STON2: variants seen among roughly 807,000 people sequenced by gnomAD.
The protein encoded by STON2 is stonin 2.
Under a neutral mutation model 65.7 loss-of-function variants are expected in STON2, and 29 were observed. The observed-to-expected ratio is 0.44, with a 90% CI of 0.33 to 0.60. STON2 has a LOEUF of 0.60. Ranked by LOEUF, STON2 falls within the 20% of genes least tolerant of loss-of-function variation. STON2 has a pLI of 0.03. For missense variants in STON2, 1,054 were observed against 1,118.1 expected (o/e 0.94, Z 0.82); for synonymous variants, 404 against 414.2 (o/e 0.98, Z 0.30).
intron 5 of STON2, among the ~76,000 whole-genome samples, chr14:81,308,781 CA>C: frequency 1.1e-4 from 1 of 9,170 alleles, no homozygotes; most frequent in Middle Eastern, 0.071. Context: ...TGGTTTTACC[CA>C]TATATATATA....
chr14:81,293,907 G>C (rs755368664), intron 5 of STON2, among the ~76,000 whole-genome samples: 12 of 152,154 alleles, frequency 7.9e-5, no homozygotes, highest in Non-Finnish European at 1.5e-4. Context: ...AACAAATGGT[G>C]GGTTTTTTTC....
intron 5 of STON2, among the ~76,000 whole-genome samples, chr14:81,305,850 A>C (rs1295970902): frequency 2.6e-5 from 4 of 152,198 alleles, no homozygotes; most frequent in Admixed American, 6.5e-5. Context: ...ATGTAGTCAC[A>C]TGCTAACCCA....
rs1257992255 is a variant in STON2 at position 81,371,269 on chromosome 14, G to A, written c.374-84C>T. On this transcript the variant is annotated intron_variant, in intron 3 of 7. Transcript: ENST00000614646. Reference sequence around the variant, plus strand: ...TTAGTGCTTATCTTACTTTGATGTTGCTCACATCATATGAAATCTCAACAG... The same window carrying A: ...TTAGTGCTTATCTTACTTTGATGTTACTCACATCATATGAAATCTCAACAG... 4 of 1,260,290 alleles carry A rather than the reference G, an allele frequency of 3.2e-6. No individual in the cohort carries two copies. The Middle Eastern group carries it at 6.9e-4, about 218-fold the overall frequency. 78.1% of individuals were successfully genotyped at this position (1,260,290 alleles called of 1,614,324 possible).
chr14:81,423,827 T>A (rs8008602), intron 2 of STON2, among the ~76,000 whole-genome samples: 118,255 of 152,100 alleles, frequency 0.78, 46,767 homozygotes, highest in African/African-American at 0.93. Flanking sequence ...GACTGAAGGC[T>A]GGGGCATGTG....
chr14:81,341,809 C>T (rs1007649343), intron 4 of STON2, among the ~76,000 whole-genome samples: 3 of 152,182 alleles, frequency 2.0e-5, no homozygotes, highest in Admixed American at 1.3e-4. Flanking sequence ...ATCCATAACC[C>T]TAATCTAAAT....
intron 5 of STON2, among the ~76,000 whole-genome samples, chr14:81,309,831 A>C (rs1034229651): frequency 6.6e-6 from 1 of 152,230 alleles, no homozygotes; most frequent in African/African-American, 2.4e-5. Flanking sequence ...AGACTGGGCC[A>C]AAGGTGGTGG....
intron 2 of STON2, among the ~76,000 whole-genome samples, chr14:81,409,066 T>C (rs1901019273): frequency 6.6e-6 from 1 of 152,228 alleles, no homozygotes; most frequent in Non-Finnish European, 1.5e-5. Flanking sequence ...GAGCCATATA[T>C]AAATTAGATG....
intron 3 of STON2, among the ~76,000 whole-genome samples, chr14:81,383,687 T>C (rs1173960221): frequency 1.3e-5 from 2 of 152,172 alleles, no homozygotes; most frequent in African/African-American, 2.4e-5. Flanking sequence ...CCTGGATGGA[T>C]ACAGTGGCCT....
In STON2 at chr14:81,412,939, A is replaced by T; in HGVS notation, c.-199+14163T>A. 6.5e-6 allele frequency: 5 copies of T among 768,596 alleles called. 2 individuals carry two copies. In the Admixed American group the frequency reaches 8.1e-5, roughly 12 times the overall value. The allele number at this position is 768,596 out of a possible 1,614,324, so 47.6% of individuals were successfully genotyped here. On this transcript the variant is annotated intron_variant, in intron 2 of 8. Transcript: ENST00000553821. ...TAGCACCTCCCCAGGAGACCGTTGC[A>T]GTCAGCCAGCCCCCTTCTCCATGGG... is the stretch of plus-strand genomic sequence containing the variant.
In STON2 at chr14:81,412,347, A is replaced by C. The variant is rs1197332655; in HGVS notation, c.-198-13767T>G. Among the ~76,000 whole-genome samples the C allele has an allele frequency of 5.0e-5, 7 of 140,084 alleles. 3 individuals are homozygous for C. The East Asian group carries it at 1.8e-3, about 35-fold the overall frequency. The allele number at this position is 140,084 out of a possible 152,430, so 91.9% of individuals were successfully genotyped here. ...CCTGAAACAACCTAGGCGTCCGATG[A>C]TGAATGGGATGGATAAGCAAAATGT... On this transcript the variant is annotated intron_variant, in intron 2 of 8. Coordinates refer to the STON2 transcript ENST00000553821.
intron 1 of STON2, among the ~76,000 whole-genome samples, chr14:81,398,885 T>C (rs1183390298): frequency 1.3e-5 from 2 of 152,264 alleles, no homozygotes; most frequent in Non-Finnish European, 1.5e-5. Context: ...AATACTATCA[T>C]TGCTAAACAA....
chr14:81,387,189 T>G (rs1899853660), intron 3 of STON2, among the ~76,000 whole-genome samples: 1 of 152,054 alleles, frequency 6.6e-6, no homozygotes. Context: ...ACATGCTGGT[T>G]CTGCTCATGG....
intron 1 of STON2, among the ~76,000 whole-genome samples, chr14:81,427,894 A>G (rs1488528860): frequency 1.3e-5 from 2 of 152,114 alleles, no homozygotes; most frequent in Admixed American, 6.5e-5. Flanking sequence ...TCCAGATACC[A>G]CAGTGACTCA....
At chr14:81,434,599 T>C (rs1902340375) in intron 1 of STON2, among the ~76,000 whole-genome samples, 2 of 152,056 alleles carry the variant, frequency 1.3e-5, no homozygotes, top group African/African-American at 4.8e-5. Flanking sequence ...TCCTAGCCTA[T>C]GGGTTGGGGG....
intron 2 of STON2, among the ~76,000 whole-genome samples, chr14:81,411,990 G>C (rs975950839): frequency 7.2e-6 from 1 of 138,916 alleles, no homozygotes; most frequent in Non-Finnish European, 1.5e-5. Context: ...GAGGATTCAA[G>C]GTAAAGGGAA....
intron 4 of STON2, among the ~76,000 whole-genome samples, chr14:81,330,646 T>C (rs1281100374): frequency 1.3e-5 from 2 of 152,138 alleles, no homozygotes; most frequent in African/African-American, 4.8e-5. Context: ...ACCTCAAATT[T>C]CCCCTCACCC....
chr14:81,360,580 G>A (rs1278196516), intron 4 of STON2, among the ~76,000 whole-genome samples: 2 of 152,092 alleles, frequency 1.3e-5, no homozygotes, highest in Non-Finnish European at 2.9e-5. Flanking sequence ...ATTTAACAGT[G>A]AAAAACTGAA....
intron 1 of STON2, chr14:81,436,178 C>CGGGGGCGCCA (rs1331429375): frequency 2.6e-5 from 4 of 151,994 alleles, no homozygotes; most frequent in African/African-American, 9.6e-5. Flanking sequence ...CAGGCAGGCT[C>CGGGGGCGCCA]GGGGGCGCCA....
At chr14:81,379,000 T>A (rs945995082) in intron 3 of STON2, among the ~76,000 whole-genome samples, 1 of 152,136 alleles carries the variant, frequency 6.6e-6, no homozygotes, top group Non-Finnish European at 1.5e-5. Flanking sequence ...ATGTTCATTA[T>A]CCTCTCTTCT....
Sources: gnomAD v4.1 joint callset for allele counts (sites outside exome capture counted in the v4.1 genomes callset) on GRCh38, gnomAD v4.1.1 for gene constraint, MANE v1.5 for transcripts, NCBI Gene and HGNC (gene_info 2026-07-23, HGNC 2026-07-21) for gene names.